Variants in GSG1L observed in about 807,000 individuals in gnomAD.
The protein encoded by GSG1L is GSG1 like.
A neutral mutation model predicts 42.1 loss-of-function variants in GSG1L; 24 were observed. The ratio of observed to expected loss-of-function variants is 0.57; its 90% CI spans 0.41 to 0.80. The LOEUF is 0.80. Among genes scored for constraint, GSG1L ranks in the 30% least tolerant of loss-of-function variants. The pLI is 0.00. For missense variants in GSG1L, 445 were observed against 472.2 expected (o/e 0.94, Z 0.53); for synonymous variants, 215 against 203.5 (o/e 1.06, Z -0.48).
intron 2 of GSG1L, among the ~76,000 whole-genome samples, chr16:27,893,137 A>AG (rs1345854572): frequency 2.0e-5 from 3 of 152,200 alleles, no homozygotes; most frequent in Non-Finnish European, 4.4e-5. Flanking sequence ...GGTGACCTCC[A>AG]GGGGGCAGAA....
intron 5 of GSG1L, 109 bp from the exon 6 acceptor site, chr16:27,807,663 T>C: frequency 2.2e-6 from 2 of 908,396 alleles, no homozygotes; most frequent in Non-Finnish European, 1.7e-6. Context: ...TGGAGAATAT[T>C]TTGCAAAGTA....
intron 6 of GSG1L, among the ~76,000 whole-genome samples, chr16:27,793,879 C>A (rs927993465): frequency 6.6e-6 from 1 of 152,210 alleles, no homozygotes; most frequent in African/African-American, 2.4e-5. Context: ...AGGCCTTGTG[C>A]TGTAGATTGG....
chr16:27,806,591 G>A (rs2082965551), intron 6 of GSG1L, among the ~76,000 whole-genome samples: 1 of 152,196 alleles, frequency 6.6e-6, no homozygotes, highest in African/African-American at 2.4e-5. Context: ...TGAGGGAGCT[G>A]GGGTATCTAT....
chr16:27,928,516 A>G (rs1331846089), intron 2 of GSG1L, among the ~76,000 whole-genome samples: 1 of 117,352 alleles, frequency 8.5e-6, no homozygotes, highest in Non-Finnish European at 1.9e-5. Context: ...AGAAAAGAAA[A>G]GAAAACAAAA....
At chr16:27,949,818 G>A (rs2084930817) in intron 2 of GSG1L, among the ~76,000 whole-genome samples, 1 of 152,186 alleles carries the variant, frequency 6.6e-6, no homozygotes, top group Non-Finnish European at 1.5e-5. Flanking sequence ...CCAGCTACTC[G>A]GGAGGCTGAG....
Position 27,815,950 on chromosome 16 carries a change from C to T in GSG1L, c.831-8396G>A, listed in dbSNP as rs189991008. 4.3e-3 allele frequency among the ~76,000 whole-genome samples: 655 copies of T among 152,196 alleles called. 5 individuals carry two copies. The highest frequency in any genetic ancestry group is 0.014 in the African/African-American group (595 of 41,526). ...CTGCACTCCAGCCTGGGTGACAGAG[C>T]GACACCCTCTCTCAAATAAATAAAA... On this transcript the variant is annotated intron_variant, in intron 5 of 6. Transcript: ENST00000447459.
intron 1 of GSG1L, among the ~76,000 whole-genome samples, chr16:28,012,723 G>A (rs916927214): frequency 6.6e-6 from 1 of 151,930 alleles, no homozygotes; most frequent in African/African-American, 2.4e-5. Flanking sequence ...GTGTCTCTAT[G>A]AAAAAATTTT....
chr16:27,911,099 C>T (rs747101784), intron 2 of GSG1L, among the ~76,000 whole-genome samples: 15 of 152,172 alleles, frequency 9.9e-5, no homozygotes, highest in Non-Finnish European at 1.9e-4. Flanking sequence ...CTGGCACTCC[C>T]TGTAGTTCCT....
chr16:27,935,794 G>A (rs1222044506), intron 2 of GSG1L, among the ~76,000 whole-genome samples: 1 of 150,262 alleles, frequency 6.7e-6, no homozygotes, highest in Non-Finnish European at 1.5e-5. Context: ...GCCATTAGCT[G>A]CTGTAGACAG....
At chr16:27,837,753 T>C (rs973885134) in intron 4 of GSG1L, among the ~76,000 whole-genome samples, 1 of 152,174 alleles carries the variant, frequency 6.6e-6, no homozygotes, top group Non-Finnish European at 1.5e-5. Context: ...TTTTCTGTAA[T>C]GTGTGACTGG....
intron 3 of GSG1L, among the ~76,000 whole-genome samples, chr16:27,867,892 C>T (rs962531476): frequency 3.3e-5 from 5 of 152,252 alleles, no homozygotes; most frequent in African/African-American, 1.2e-4. Context: ...GCCTAGCAGT[C>T]CTGTCCCAAC....
intron 1 of GSG1L, among the ~76,000 whole-genome samples, chr16:27,969,041 G>A (rs764525531): frequency 1.7e-4 from 26 of 152,078 alleles, no homozygotes; most frequent in Admixed American, 3.3e-4. Context: ...CCCAGGAGGC[G>A]GAGGTTGCAA....
intron 5 of GSG1L, among the ~76,000 whole-genome samples, chr16:27,820,758 TCTC>T (rs1486897405): frequency 6.6e-6 from 1 of 151,552 alleles, no homozygotes; most frequent in Non-Finnish European, 1.5e-5. Context: ...TCCTACTCCA[TCTC>T]CTCTCTCTTA....
chr16:28,035,439 G>A (rs906354703), intron 1 of GSG1L, among the ~76,000 whole-genome samples: 14 of 152,234 alleles, frequency 9.2e-5, no homozygotes, highest in Admixed American at 2.0e-4. Flanking sequence ...GCATGACTTA[G>A]TGACAATTAC....
At chr16:27,847,362 G>C (rs2083455717) in intron 3 of GSG1L, among the ~76,000 whole-genome samples, 1 of 152,192 alleles carries the variant, frequency 6.6e-6, no homozygotes, top group African/African-American at 2.4e-5. Context: ...GGGAGCCAGA[G>C]CTGGGCTGGG....
intron 1 of GSG1L, among the ~76,000 whole-genome samples, chr16:27,995,395 T>C (rs868713429): frequency 6.6e-6 from 1 of 152,084 alleles, no homozygotes; most frequent in Middle Eastern, 3.2e-3. Flanking sequence ...AAAGAATCTA[T>C]GTAAACGCAT....
chr16:28,033,875 ATC>A (rs2085996026), intron 1 of GSG1L, among the ~76,000 whole-genome samples: 1 of 152,204 alleles, frequency 6.6e-6, no homozygotes, highest in African/African-American at 2.4e-5. Context: ...AGAAGAGAAA[ATC>A]GCACAGTGGA....
chr16:27,893,627 G>A (rs956265503), intron 2 of GSG1L, among the ~76,000 whole-genome samples: 2 of 152,102 alleles, frequency 1.3e-5, no homozygotes, highest in African/African-American at 4.8e-5. Context: ...CTGTCACCCA[G>A]GCTGCAGTGC....
At chr16:27,851,632 G>A (rs1258207146) in intron 3 of GSG1L, among the ~76,000 whole-genome samples, 1 of 152,168 alleles carries the variant, frequency 6.6e-6, no homozygotes, top group Non-Finnish European at 1.5e-5. Flanking sequence ...GAGTGGGAAA[G>A]CACAAACACG....
Sources: allele counts gnomAD v4.1 joint callset (sites outside exome capture counted in the v4.1 genomes callset), GRCh38; gene constraint gnomAD v4.1.1; transcripts MANE v1.5; gene names NCBI Gene and HGNC (gene_info 2026-07-23, HGNC 2026-07-21).